Variants in PLXNA1 observed in about 807,000 individuals in gnomAD.
PLXNA1 encodes plexin A1.
PLXNA1 carries 77 observed loss-of-function variants against 191.7 expected under a neutral mutation model. The observed-to-expected ratio is 0.40, with a 90% CI of 0.33 to 0.49. The LOEUF (loss-of-function observed/expected upper bound fraction) is 0.49, where lower values mean the gene tolerates loss of function less well. PLXNA1 is among the 20% of genes least tolerant of loss of function. The probability of loss-of-function intolerance (pLI) is 0.63; values close to 1 mark genes in which losing one functional copy is unlikely to be tolerated. For synonymous variants in PLXNA1, 1,137 were observed against 1,156.4 expected (o/e 0.98, Z 0.34); for missense variants, 2,110 against 2,660.2 (o/e 0.79, Z 4.55).
chr3:127,022,444 C>CCCTGCCCGGT, intron 22 of PLXNA1, 103 bp downstream of exon 22: 4 of 1,444,558 alleles, frequency 2.8e-6, no homozygotes, highest in Non-Finnish European at 3.7e-6. Flanking sequence ...CAGTTCCCAC[C>CCCTGCCCGGT]GGGCAGGGGT....
At chr3:126,987,276 A>G (rs1015045582) in intron 1 of PLXNA1, among the ~76,000 whole-genome samples, 4 of 152,218 alleles carry the variant, frequency 2.6e-5, no homozygotes, top group Non-Finnish European at 4.4e-5. Flanking sequence ...GCCAGTTGCT[A>G]GGCAGGGTGT....
At chr3:127,023,803 C>T (rs547543013) in intron 23 of PLXNA1, among the ~76,000 whole-genome samples, 2 of 151,856 alleles carry the variant, frequency 1.3e-5, no homozygotes, top group African/African-American at 2.4e-5. Flanking sequence ...GGGGCAGGGC[C>T]GAGCAGGGAG....
intron 9 of PLXNA1, among the ~76,000 whole-genome samples, chr3:127,009,468 T>C (rs1435131677): frequency 6.6e-6 from 1 of 151,830 alleles, no homozygotes; most frequent in Non-Finnish European, 1.5e-5. Flanking sequence ...TTTTTTAGCT[T>C]GAGTCCCAGA....
At chr3:127,017,062 A>G (rs1450410819) in intron 17 of PLXNA1, 25 bp downstream of exon 17, 2 of 1,595,918 alleles carry the variant, frequency 1.3e-6, no homozygotes, top group Non-Finnish European at 1.7e-6. Context: ...TCAGCTGCCC[A>G]CCTCGGTCCA....
intron 15 of PLXNA1, among the ~76,000 whole-genome samples, chr3:127,015,673 G>A (rs1399605704): frequency 1.3e-5 from 2 of 152,242 alleles, no homozygotes; most frequent in Non-Finnish European, 2.9e-5. Flanking sequence ...GCTTGAAGTG[G>A]ATAATTTTAG....
chr3:127,005,952 C>T (rs1018017296), intron 7 of PLXNA1, 127 bp from the exon 8 acceptor site: 11 of 742,828 alleles, frequency 1.5e-5, no homozygotes, highest in Admixed American at 8.9e-5. Flanking sequence ...GGGCTGGATG[C>T]GTGTTTGATG....
chr3:127,002,757 CTAAT>C (rs2079047059), intron 3 of PLXNA1, among the ~76,000 whole-genome samples: 1 of 152,228 alleles, frequency 6.6e-6, no homozygotes, highest in Non-Finnish European at 1.5e-5. Context: ...GAAGAGCTGG[CTAAT>C]TAACGCCTGG....
chr3:126,990,104 T>C (rs1441637921), intron 2 of PLXNA1, among the ~76,000 whole-genome samples: 1 of 152,200 alleles, frequency 6.6e-6, no homozygotes, highest in South Asian at 2.1e-4. Flanking sequence ...ACATGCCTGG[T>C]CCTACACCTG....
chr3:127,017,162 T>C (rs1286876870), intron 17 of PLXNA1, 125 bp downstream of exon 17: 101 of 1,029,894 alleles, frequency 9.8e-5, no homozygotes, highest in Non-Finnish European at 2.9e-6. Context: ...ATGCCAACCT[T>C]GGCTGTGCCT....
chr3:126,983,357 G>A (rs1260580735), intron 1 of PLXNA1, among the ~76,000 whole-genome samples, 70 bp downstream of exon 1: 1 of 144,976 alleles, frequency 6.9e-6, no homozygotes, highest in Admixed American at 6.8e-5. Flanking sequence ...TGGGGTCCGG[G>A]GCCGGGCGGC....
chr3:126,989,226 G>A lies in PLXNA1; in HGVS notation c.633G>A (p.Glu211=). The change falls in exon 2 of 32, where the codon GAG becomes GAA. Residue 211 remains glutamate (E), a synonymous_variant. Transcript: ENST00000393409. ...GCCGTCGGCTCATGGCCAACGAGGA[G>A]GATGCCGACATGTTCGGCTTCGTGT... ...LSSRRLMANE[E]DADMFGFVYQ... 6.2e-7 allele frequency: 1 copy of A among 1,613,664 alleles called. No homozygotes were observed. The highest frequency in any genetic ancestry group is 1.3e-5 in the African/African-American group (1 of 75,082).
In PLXNA1 at chr3:126,989,238, G is replaced by A; in HGVS notation, c.645G>A (p.Met215Ile). 2 of 1,613,640 alleles carry A rather than the reference G, an allele frequency of 1.2e-6. No homozygotes were observed. Among genetic ancestry groups the A allele is most frequent in the Non-Finnish European group, 1.7e-6 (2 of 1,180,050 alleles). Residue 215 changes from methionine (M) to isoleucine (I), a missense_variant, in exon 2 of 32, where the codon ATG (methionine) becomes ATA (isoleucine). Coordinates refer to ENST00000393409, the MANE Select transcript of PLXNA1 (RefSeq NM_032242.4). ...TGGCCAACGAGGAGGATGCCGACAT[G>A]TTCGGCTTCGTGTACCAGGATGAGT... ...RLMANEEDADMFGFVYQDEFV... is the reference protein window; with the variant it reads ...RLMANEEDADIFGFVYQDEFV...
At chr3:127,032,102 C>T (rs1245322546) in intron 29 of PLXNA1, 5 of 420,712 alleles carry the variant, frequency 1.2e-5, no homozygotes, top group African/African-American at 4.0e-5. Context: ...GGAGTGGGCC[C>T]CTGAGGGCCT....
chr3:127,022,143 A>C lies in PLXNA1; in HGVS notation c.4097A>C (p.His1366Pro), dbSNP rs1191812272. 1 of 1,613,340 alleles carries C rather than the reference A, an allele frequency of 6.2e-7. No individual in the cohort carries two copies. Residue 1366 changes from histidine (H) to proline (P), a missense_variant, in exon 22 of 32, where the codon CAC (histidine) becomes CCC (proline). Around this residue, in one of 4 missense-constraint regions of PLXNA1, gnomAD observed 559 missense variants for 911.5 expected, o/e 0.61. Coordinates refer to ENST00000393409, the MANE Select transcript of PLXNA1 (RefSeq NM_032242.4). ...TTCGGGCAGCTGCTGACCAAGAAGC[A>C]CTTCCTGCTGACCTTCATCCGCACG... Reference protein sequence around the residue: ...TLFGQLLTKKHFLLTFIRTLE... With the variant: ...TLFGQLLTKKPFLLTFIRTLE...
chr3:127,029,109 C>T lies in PLXNA1; in HGVS notation c.4773+13C>T. Reference sequence around the variant, plus strand: ...GGCTCACTACCAGGTGGCTCCCGGCCCTCCGACCCTAGCACAGGCCTCCCT... The same window carrying T: ...GGCTCACTACCAGGTGGCTCCCGGCTCTCCGACCCTAGCACAGGCCTCCCT... On this transcript the variant is annotated intron_variant, in intron 26 of 31. Coordinates refer to ENST00000393409, the MANE Select transcript of PLXNA1 (RefSeq NM_032242.4). 1 of 1,604,772 alleles carries T rather than the reference C, an allele frequency of 6.2e-7. No homozygotes were observed. The highest frequency in any genetic ancestry group is 8.5e-7 in the Non-Finnish European group (1 of 1,172,224).
chr3:126,992,870 G>C (rs1392006363), intron 3 of PLXNA1, among the ~76,000 whole-genome samples: 1 of 152,212 alleles, frequency 6.6e-6, no homozygotes, highest in Admixed American at 6.5e-5. Context: ...CTCTCAGCCT[G>C]CACTCCCTCT....
intron 9 of PLXNA1, 67 bp from the exon 10 acceptor site, chr3:127,011,891 C>A: frequency 2.1e-6 from 3 of 1,414,158 alleles, no homozygotes; most frequent in South Asian, 2.5e-5. Context: ...ACATCTGGAG[C>A]GTAGTGGGGT....
In PLXNA1 at chr3:127,014,845, C is replaced by G. The variant is rs770195068; in HGVS notation, c.2877+14C>G. On this transcript the variant is annotated intron_variant, in intron 14 of 31. Transcript: ENST00000393409. ...TTCACCTTCGTGGTGAGTCTGCTGC[C>G]CTCCCTCTCTCCCTATTCTCTGCTG... 2 of 1,609,484 alleles carry G rather than the reference C, an allele frequency of 1.2e-6. No individual in the cohort carries two copies. The highest frequency in any genetic ancestry group is 8.5e-7 in the Non-Finnish European group (1 of 1,178,340).
chr3:127,033,512 G>A (rs1196463390), intron 31 of PLXNA1, among the ~76,000 whole-genome samples: 1 of 152,184 alleles, frequency 6.6e-6, no homozygotes, highest in Non-Finnish European at 1.5e-5. Context: ...CCCCAGGGGA[G>A]CAGAGGAGCA....
Sources: gnomAD v4.1 joint callset for allele counts (sites outside exome capture counted in the v4.1 genomes callset) on GRCh38, gnomAD v4.1.1 for gene constraint, gnomAD v4.1.1 regional missense constraint, MANE v1.5 for transcripts, NCBI Gene and HGNC (gene_info 2026-07-23, HGNC 2026-07-21) for gene names.